The following PDE4D variants were observed in gnomAD, a reference collection of about 807,000 sequenced individuals.
PDE4D encodes 3',5'-cyclic-AMP phosphodiesterase 4D.
A neutral mutation model predicts 87.4 loss-of-function variants in PDE4D; 24 were observed. The observed-to-expected ratio is 0.27, with a 90% confidence interval of 0.20 to 0.39. The LOEUF (loss-of-function observed/expected upper bound fraction) is 0.39. Among genes scored for constraint, PDE4D ranks in the 10% least tolerant of loss-of-function variants. The pLI, the probability that PDE4D is intolerant of heterozygous loss-of-function variation, is 1.00. For missense variants in PDE4D, 714 were observed against 1,041.0 expected (o/e 0.69, Z 4.32); for synonymous variants, 384 against 383.2 (o/e 1.00, Z -0.02).
chr5:60,053,008 A>G (rs766079609), intron 2 of PDE4D, among the ~76,000 whole-genome samples: 93 of 152,190 alleles, frequency 6.1e-4, no homozygotes, highest in Non-Finnish European at 1.1e-3. Flanking sequence ...CTTCAAGGAG[A>G]ACTACAAACC....
At chr5:60,200,273 G>A (rs1260358740) in intron 1 of PDE4D, among the ~76,000 whole-genome samples, 1 of 151,562 alleles carries the variant, frequency 6.6e-6, no homozygotes, top group South Asian at 2.1e-4. Context: ...ATCATCACAA[G>A]ATTACATGGC....
At chr5:60,295,291 A>C (rs534743496) in intron 1 of PDE4D, among the ~76,000 whole-genome samples, 1 of 152,194 alleles carries the variant, frequency 6.6e-6, no homozygotes, top group Non-Finnish European at 1.5e-5. Context: ...TTTATGTCAT[A>C]CGTGAATAAA....
intron 1 of PDE4D, among the ~76,000 whole-genome samples, chr5:59,808,176 C>A (rs1199807293): frequency 6.6e-6 from 1 of 152,172 alleles, no homozygotes; most frequent in Middle Eastern, 3.2e-3. Flanking sequence ...CTTCCTGAGC[C>A]CCCATGGGCT....
chr5:59,351,643 A>C (rs1344005577), intron 1 of PDE4D, among the ~76,000 whole-genome samples: 1 of 152,172 alleles, frequency 6.6e-6, no homozygotes, highest in Non-Finnish European at 1.5e-5. Context: ...AGGAGGGGGC[A>C]GAAGCAGACA....
At chr5:60,184,354 G>C (rs1402441374) in intron 2 of PDE4D, among the ~76,000 whole-genome samples, 1 of 151,974 alleles carries the variant, frequency 6.6e-6, no homozygotes, top group Non-Finnish European at 1.5e-5. Context: ...GTAAGAGAAA[G>C]ATGTGTTTGC....
chr5:59,637,623 C>T (rs1271346377), intron 1 of PDE4D, among the ~76,000 whole-genome samples: 2 of 151,364 alleles, frequency 1.3e-5, no homozygotes, highest in East Asian at 1.9e-4. Flanking sequence ...AAGCTTGAAA[C>T]CATCATTCTT....
chr5:59,042,001 G>T (rs1014627690), intron 5 of PDE4D, among the ~76,000 whole-genome samples: 11 of 152,094 alleles, frequency 7.2e-5, no homozygotes, highest in African/African-American at 2.7e-4. Context: ...TGACAGACAG[G>T]ATTTGAGTAT....
At chr5:59,252,942 C>T (rs1436577088) in intron 1 of PDE4D, among the ~76,000 whole-genome samples, 1 of 152,138 alleles carries the variant, frequency 6.6e-6, no homozygotes, top group African/African-American at 2.4e-5. Flanking sequence ...CCTAGGTACC[C>T]TTGCTCCCCA....
At position 60,315,674 on chromosome 5, in the gene PDE4D, G is replaced by C. The variant is rs140797542; in HGVS notation, c.-89-129987C>G. 0.012 allele frequency among the ~76,000 whole-genome samples: 1,846 copies of C among 152,248 alleles called. 61 individuals are homozygous for C. In the East Asian group the frequency reaches 0.13, roughly 11 times the overall value. ...GAATTAATTTTAGTATAAGGTGCAA[G>C]GAAGGGATCCAGTTTCAGCTTTCTA... On this transcript the variant is annotated intron_variant, in intron 1 of 16. Transcript: ENST00000502484.
intron 1 of PDE4D, among the ~76,000 whole-genome samples, chr5:59,247,583 G>T (rs1448860867): frequency 6.6e-6 from 1 of 152,018 alleles, no homozygotes; most frequent in African/African-American, 2.4e-5. Context: ...ATAGAATGTA[G>T]GCTTCATATG....
At chr5:59,570,977 GTAT>G (rs1448058918) in intron 1 of PDE4D, among the ~76,000 whole-genome samples, 3 of 152,138 alleles carry the variant, frequency 2.0e-5, no homozygotes, top group Admixed American at 6.5e-5. Flanking sequence ...AAAATGCTGT[GTAT>G]TTTACATACT....
chr5:59,635,844 T>A (rs1832170983), intron 1 of PDE4D, among the ~76,000 whole-genome samples: 1 of 152,196 alleles, frequency 6.6e-6, no homozygotes, highest in African/African-American at 2.4e-5. Context: ...ATGCCCTCTT[T>A]CACCACTCCT....
Position 59,215,552 on chromosome 5 carries a change from CGT to C in PDE4D, c.647+223_647+224del, listed in dbSNP as rs10693866. Reference sequence around the variant, plus strand: ...TATTTTCTGGGAAAATAAATACATGCGTGTGTGTGTGTGTGTGTGTGTGTGTG... The same window carrying C: ...TATTTTCTGGGAAAATAAATACATGCGTGTGTGTGTGTGTGTGTGTGTGTG... On this transcript the variant is annotated intron_variant, in intron 2 of 14. Coordinates refer to ENST00000340635, the MANE Select transcript of PDE4D (RefSeq NM_001104631.2). 83,504 of 357,894 alleles carry C rather than the reference CGT, an allele frequency of 0.23. 1,975 individuals are homozygous for C. Among genetic ancestry groups the C allele is most frequent in the East Asian group, 0.34 (6,272 of 18,360 alleles). 22.2% of individuals were successfully genotyped at this position (357,894 alleles called of 1,614,324 possible).
chr5:60,159,763 A>T (rs1323866826), intron 2 of PDE4D, among the ~76,000 whole-genome samples: 1 of 152,168 alleles, frequency 6.6e-6, no homozygotes, highest in East Asian at 1.9e-4. Flanking sequence ...AAGCTGCCCA[A>T]ATTTGATTCT....
chr5:59,394,778 G>C (rs990006632), intron 1 of PDE4D, among the ~76,000 whole-genome samples: 11 of 152,182 alleles, frequency 7.2e-5, no homozygotes, highest in African/African-American at 2.4e-4. Context: ...CAGCCTGAGC[G>C]ACGCAGAAGA....
intron 1 of PDE4D, among the ~76,000 whole-genome samples, chr5:59,762,186 GTATATGGGTA>G: frequency 1.4e-5 from 2 of 140,210 alleles, no homozygotes; most frequent in African/African-American, 2.6e-5. Context: ...GTATATATAT[GTATATGGGTA>G]CACATATGCG....
chr5:59,732,316 C>T (rs1217245323), intron 1 of PDE4D, among the ~76,000 whole-genome samples: 1 of 151,370 alleles, frequency 6.6e-6, no homozygotes, highest in Non-Finnish European at 1.5e-5. Flanking sequence ...TTAATCTATG[C>T]TTACACCTTT....
chr5:59,452,111 T>C (rs1799255680), intron 1 of PDE4D, among the ~76,000 whole-genome samples: 1 of 152,158 alleles, frequency 6.6e-6, no homozygotes, highest in East Asian at 1.9e-4. Context: ...GTATTTTCTG[T>C]GTAGCCCAAG....
rs1027893603 is a variant in PDE4D, at chr5:60,047,729, G to A, written c.43-59012C>T. ...CTAGTTTGATTGCACTGTGGTCTGA[G>A]AGATAGTTTGTTATAATTTCTGTTT... On this transcript the variant is annotated intron_variant, in intron 2 of 16. Coordinates refer to the PDE4D transcript ENST00000502484. Among the ~76,000 whole-genome samples, 3 of 152,190 alleles carry A rather than the reference G, an allele frequency of 2.0e-5. No homozygotes were observed. In the East Asian group the frequency reaches 5.8e-4, roughly 29 times the overall value.
Sources: allele counts gnomAD v4.1 joint callset (sites outside exome capture counted in the v4.1 genomes callset), GRCh38; gene constraint gnomAD v4.1.1; transcripts MANE v1.5; gene names NCBI Gene and HGNC (gene_info 2026-07-23, HGNC 2026-07-21).